Variants in OTOA observed in about 807,000 individuals in gnomAD.
OTOA encodes otoancorin.
Under a neutral mutation model 110.8 loss-of-function variants are expected in OTOA, and 70 were observed. The observed-to-expected ratio is 0.63, with a 90% CI of 0.52 to 0.77. The LOEUF is 0.77. OTOA is among the 30% of genes least tolerant of loss of function. The pLI is 0.00. For synonymous variants in OTOA, 373 were observed against 431.5 expected (o/e 0.86, Z 1.68); for missense variants, 917 against 1,075.8 (o/e 0.85, Z 2.06).
intron 1 of OTOA, among the ~76,000 whole-genome samples, chr16:21,665,614 T>C (rs767898250): frequency 4.3e-4 from 66 of 152,078 alleles, no homozygotes; most frequent in Non-Finnish European, 8.1e-4. Flanking sequence ...GAGGGTTTGG[T>C]GTGATGCCCG....
intron 14 of OTOA, 26 bp from the exon 15 acceptor site, chr16:21,716,880 TG>T: frequency 6.2e-7 from 1 of 1,613,378 alleles, no homozygotes; most frequent in South Asian, 1.1e-5. Flanking sequence ...TTTACAATGT[TG>T]TTTTGTTGCT....
intron 18 of OTOA, among the ~76,000 whole-genome samples, chr16:21,723,352 T>G (rs969285646): frequency 6.6e-6 from 1 of 152,158 alleles, no homozygotes; most frequent in African/African-American, 2.4e-5. Context: ...AGGGTGGCCC[T>G]GCTTTTCAAA....
intron 19 of OTOA, chr16:21,727,012 GT>G (rs543449382): frequency 0.047 from 6,756 of 143,866 alleles, 4 homozygotes; most frequent in South Asian, 0.1. Context: ...CCCCCTTAGA[GT>G]TTTTTTTTTT....
At position 21,760,729 on chromosome 16, in the gene OTOA, A is replaced by G. The variant is rs1597875489; in HGVS notation, c.*189A>G. The G allele has an allele frequency of 4.8e-5, 21 of 439,912 alleles. No homozygotes were observed. In the East Asian group the frequency reaches 1.0e-3, roughly 21 times the overall value. The allele number at this position is 439,912 out of a possible 1,614,324, so 27.3% of individuals were successfully genotyped here. A position where few individuals can be genotyped will look rare whatever the true frequency, so the allele number is the denominator to read the frequency against. ...ATTATTAAAAATGATCTTGCAAATT[A>G]TTTTTAATTTTTTTAAATTTTAATT... is the stretch of plus-strand genomic sequence containing the variant. On this transcript the variant is annotated 3_prime_UTR_variant, in exon 29 of 29. Transcript: ENST00000646100.
intron 1 of OTOA, among the ~76,000 whole-genome samples, chr16:21,676,486 G>A (rs1231755753): frequency 6.6e-6 from 1 of 152,100 alleles, no homozygotes; most frequent in African/African-American, 2.4e-5. Context: ...GGAGGCAATT[G>A]TTCTTTGATG....
intron 8 of OTOA, 145 bp from the exon 9 acceptor site, chr16:21,691,438 TA>T: frequency 1.4e-6 from 1 of 693,838 alleles, no homozygotes; most frequent in Non-Finnish European, 2.6e-6. Flanking sequence ...ACCAACAGTG[TA>T]AAAGCGTTTC....
At chr16:21,681,637 C>A in intron 5 of OTOA, 101 bp from the exon 6 acceptor site, 1 of 919,750 alleles carries the variant, frequency 1.1e-6, no homozygotes, top group East Asian at 2.5e-5. Context: ...TCCTAACACC[C>A]CTGGTCCATC....
chr16:21,705,146 C>T, intron 11 of OTOA, 23 bp from the exon 12 acceptor site: 1 of 1,614,192 alleles, frequency 6.2e-7, no homozygotes, highest in Non-Finnish European at 8.5e-7. Flanking sequence ...ACCTCCACCA[C>T]CATCCCTCCT....
chr16:21,754,712 C>CAA (rs1406123920), intron 27 of OTOA, among the ~76,000 whole-genome samples: 1 of 13,142 alleles, frequency 7.6e-5, no homozygotes, highest in Admixed American at 1.0e-3. Flanking sequence ...GACTCTGTCT[C>CAA]AAAAAAAAAA....
chr16:21,725,289 G>T (rs574137533), intron 18 of OTOA, among the ~76,000 whole-genome samples: 9 of 151,802 alleles, frequency 5.9e-5, no homozygotes, highest in East Asian at 5.8e-4. Flanking sequence ...AGATTTTTTT[G>T]TTGTTGTTGT....
chr16:21,673,604 G>A (rs1966852182), intron 1 of OTOA, among the ~76,000 whole-genome samples: 1 of 151,940 alleles, frequency 6.6e-6, no homozygotes, highest in African/African-American at 2.4e-5. Context: ...TTCCCTTTAG[G>A]TGCATCAAAG....
At chr16:21,701,536 C>G (rs918644552) in intron 11 of OTOA, among the ~76,000 whole-genome samples, 1 of 152,132 alleles carries the variant, frequency 6.6e-6, no homozygotes, top group African/African-American at 2.4e-5. Context: ...GGGACAGGAA[C>G]TCTACATTCC....
At chr16:21,682,603 T>C (rs934336311) in intron 6 of OTOA, among the ~76,000 whole-genome samples, 5 of 152,218 alleles carry the variant, frequency 3.3e-5, no homozygotes, top group Non-Finnish European at 5.9e-5. Flanking sequence ...GTGACTGCGG[T>C]GAACTGCACA....
At chr16:21,704,742 A>G (rs879613064) in intron 11 of OTOA, among the ~76,000 whole-genome samples, 17 of 152,170 alleles carry the variant, frequency 1.1e-4, no homozygotes, top group Admixed American at 5.2e-4. Context: ...CTGTGAATCA[A>G]CTGCCAAGGA....
chr16:21,748,797 T>TTTCA (rs1348709247), intron 24 of OTOA: 39 of 152,352 alleles, frequency 2.6e-4, no homozygotes, highest in African/African-American at 6.7e-4. Flanking sequence ...TCAGATGTTG[T>TTTCA]TTCATTCATT....
chr16:21,675,076 T>TCTTTCTTC (rs965302218), intron 1 of OTOA, among the ~76,000 whole-genome samples: 2 of 90,058 alleles, frequency 2.2e-5, no homozygotes, highest in African/African-American at 1.1e-4. Flanking sequence ...TTTCTTTCTT[T>TCTTTCTTC]CTTTCTTTCT....
At chr16:21,695,891 A>ATATATATATATATTT (rs569493650) in intron 9 of OTOA, among the ~76,000 whole-genome samples, 6 of 41,890 alleles carry the variant, frequency 1.4e-4, no homozygotes, top group African/African-American at 8.8e-4. Flanking sequence ...ATATATATAT[A>ATATATATATATATTT]TTTTTTTTTT....
chr16:21,697,765 T>A lies in OTOA; in HGVS notation c.740-10T>A. The A allele has an allele frequency of 6.2e-7, 1 of 1,613,138 alleles. No homozygotes were observed. The highest frequency in any genetic ancestry group is 8.5e-7 in the Non-Finnish European group (1 of 1,179,128). ...ATGTACTCATTTATTCATTTCTTTA[T>A]TTTTTGTAGATGACTCTGCTTCATG... is the stretch of plus-strand genomic sequence containing the variant. On this transcript the variant is annotated splice_polypyrimidine_tract_variant and intron_variant, in intron 9 of 28. Transcript: ENST00000646100.
intron 12 of OTOA, among the ~76,000 whole-genome samples, chr16:21,708,012 C>T (rs999104026): frequency 7.3e-4 from 111 of 151,876 alleles, no homozygotes; most frequent in Admixed American, 6.7e-3. Context: ...AGGATGATCT[C>T]ATTCTCTTAA....
Sources: allele counts gnomAD v4.1 joint callset (sites outside exome capture counted in the v4.1 genomes callset), GRCh38; gene constraint gnomAD v4.1.1; transcripts MANE v1.5; gene names NCBI Gene and HGNC (gene_info 2026-07-23, HGNC 2026-07-21).